GRIP1: variants seen among roughly 807,000 people sequenced by gnomAD.
GRIP1 encodes the protein glutamate receptor interacting protein 1, also known as glutamate receptor-interacting protein 1.
In GRIP1, 45 loss-of-function variants were observed where a neutral mutation model predicts 129.9. The ratio of observed to expected loss-of-function variants is 0.35; its 90% CI spans 0.27 to 0.44. The LOEUF (loss-of-function observed/expected upper bound fraction) is 0.44, where lower values mean the gene tolerates loss of function less well. GRIP1 is among the 20% of genes least tolerant of loss of function. The pLI is 1.00. For missense variants in GRIP1, 1,196 were observed against 1,396.8 expected, an observed-to-expected ratio of 0.86 and a Z score of 2.29; for synonymous variants, 530 against 520.8, an observed-to-expected ratio of 1.02 and a Z score of -0.24.
At chr12:67,033,871 T>C in intron 1 of GRIP1, among the ~76,000 whole-genome samples, 1 of 152,202 alleles carries the variant, frequency 6.6e-6, no homozygotes, top group East Asian at 1.9e-4. Context: ...CCATCCTAAA[T>C]GTTTGTTGAA....
chr12:66,915,682 G>A (rs533960514), intron 1 of GRIP1, among the ~76,000 whole-genome samples: 25 of 152,314 alleles, frequency 1.6e-4, no homozygotes, highest in African/African-American at 6.0e-4. Context: ...AAACAGGGTG[G>A]GGCCTATGTC....
chr12:66,586,080 C>G (rs972238624), intron 2 of GRIP1, among the ~76,000 whole-genome samples: 2 of 152,174 alleles, frequency 1.3e-5, no homozygotes, highest in African/African-American at 2.4e-5. Context: ...CCTCTGGCCA[C>G]TCTCCCATTT....
intron 14 of GRIP1, among the ~76,000 whole-genome samples, chr12:66,430,965 TG>T (rs2137950665): frequency 6.6e-6 from 1 of 152,112 alleles, no homozygotes; most frequent in East Asian, 1.9e-4. Flanking sequence ...AGAATGGAAG[TG>T]GGGGCAGGGT....
At chr12:66,406,162 C>A in intron 16 of GRIP1, 121 bp downstream of exon 16, 1 of 905,774 alleles carries the variant, frequency 1.1e-6, no homozygotes, top group South Asian at 1.5e-5. Context: ...ACTCTTTTAG[C>A]TGTGAAACAC....
At chr12:66,422,483 A>G (rs1161509758) in intron 14 of GRIP1, among the ~76,000 whole-genome samples, 1 of 152,236 alleles carries the variant, frequency 6.6e-6, no homozygotes, top group Non-Finnish European at 1.5e-5. Flanking sequence ...TGTTATTACC[A>G]GCAAGTACAG....
At chr12:66,407,944 TCTAA>T (rs1225817542) in intron 15 of GRIP1, among the ~76,000 whole-genome samples, 4 of 152,106 alleles carry the variant, frequency 2.6e-5, no homozygotes, top group African/African-American at 9.7e-5. Context: ...AGTCCTTCAC[TCTAA>T]CTGAGTAGAG....
intron 1 of GRIP1, among the ~76,000 whole-genome samples, chr12:67,011,105 T>C (rs1592463636): frequency 1.3e-5 from 2 of 152,150 alleles, no homozygotes; most frequent in Admixed American, 6.6e-5. Context: ...CTTCTTGACA[T>C]TTGTACTTAG....
intron 1 of GRIP1, among the ~76,000 whole-genome samples, chr12:66,861,495 C>A (rs2040110970): frequency 6.6e-6 from 1 of 152,208 alleles, no homozygotes. Context: ...GATTTTATAG[C>A]CCCTATGCTC....
At chr12:66,793,670 G>A (rs1311692187) in intron 1 of GRIP1, among the ~76,000 whole-genome samples, 1 of 152,116 alleles carries the variant, frequency 6.6e-6, no homozygotes, top group Non-Finnish European at 1.5e-5. Context: ...AACCCATCAC[G>A]AGGATGGAGG....
chr12:66,860,391 G>A (rs7310441), intron 1 of GRIP1, among the ~76,000 whole-genome samples: 41,300 of 151,946 alleles, frequency 0.27, 5,639 homozygotes, highest in African/African-American at 0.29. Flanking sequence ...TGGAGCATTC[G>A]TCTCTTAGCC....
At chr12:67,047,509 G>T (rs923071694) in intron 1 of GRIP1, among the ~76,000 whole-genome samples, 3 of 151,912 alleles carry the variant, frequency 2.0e-5, no homozygotes, top group African/African-American at 7.3e-5. Flanking sequence ...CCCATGTTAT[G>T]CAAATCTTTT....
chr12:66,829,409 TGA>T (rs1223310158), intron 1 of GRIP1, among the ~76,000 whole-genome samples: 1 of 152,182 alleles, frequency 6.6e-6, no homozygotes, highest in Non-Finnish European at 1.5e-5. Context: ...TCCATGAAAC[TGA>T]GTTTGGATTT....
rs188800373 is a variant in GRIP1 at position 66,679,076 on chromosome 12, T to C, written c.-172A>G. On this transcript the variant is annotated 5_prime_UTR_variant, in exon 1 of 25. Coordinates refer to ENST00000359742, the MANE Select transcript of GRIP1 (RefSeq NM_001366722.1). ...ATGCAGAGGTCCGCTACATGTCATC[T>C]GGCAAATCTGTGTCATTCACTACTA... The C allele has an allele frequency of 3.3e-3, 5,050 of 1,509,480 alleles. 30 individuals are homozygous for C. The highest frequency in any genetic ancestry group is 0.013 in the South Asian group (1,048 of 79,698). The allele number at this position is 1,509,480 out of a possible 1,614,324, so 93.5% of individuals were successfully genotyped here.
chr12:66,469,686 A>G (rs2138400796), intron 7 of GRIP1, among the ~76,000 whole-genome samples: 1 of 152,324 alleles, frequency 6.6e-6, no homozygotes, highest in African/African-American at 2.4e-5. Context: ...ATGAAAGACA[A>G]TCAGGGCTTA....
At chr12:66,701,260 G>A (rs1373980657) in intron 1 of GRIP1, among the ~76,000 whole-genome samples, 1 of 152,086 alleles carries the variant, frequency 6.6e-6, no homozygotes, top group Non-Finnish European at 1.5e-5. Context: ...CTTCATAGCT[G>A]CCTCTTAGCC....
chr12:66,374,591 C>T (rs923044681), intron 22 of GRIP1, among the ~76,000 whole-genome samples: 2 of 152,154 alleles, frequency 1.3e-5, no homozygotes, highest in Non-Finnish European at 2.9e-5. Context: ...TAGTTGTTTG[C>T]TTTGTTAACA....
At chr12:67,054,971 G>A (rs144327858) in intron 1 of GRIP1, among the ~76,000 whole-genome samples, 1 of 152,278 alleles carries the variant, frequency 6.6e-6, no homozygotes, top group African/African-American at 2.4e-5. Context: ...AGTAATACGT[G>A]ATTGGAAATC....
In GRIP1 at chr12:66,959,941, T is replaced by A. The variant is rs188892655; in HGVS notation, c.58+109109A>T. Among the ~76,000 whole-genome samples the A allele has an allele frequency of 6.2e-3, 936 of 152,012 alleles. 13 individuals carry two copies. The highest frequency in any genetic ancestry group is 0.021 in the African/African-American group (872 of 41,486). On this transcript the variant is annotated intron_variant, in intron 1 of 1. Coordinates refer to the GRIP1 transcript ENST00000643019. ...AATTTCAAATGAGGAGAGAAAAAAA[T>A]ATATATATATCCTTAAGTGTAGAAA...
At position 66,420,800 on chromosome 12, in the gene GRIP1, G is replaced by A; in HGVS notation, c.1769-11C>T. 6.8e-7 allele frequency: 1 copy of A among 1,462,340 alleles called. No homozygotes were observed. The highest frequency in any genetic ancestry group is 9.6e-7 in the Non-Finnish European group (1 of 1,041,534). The allele number at this position is 1,462,340 out of a possible 1,614,324, so 90.6% of individuals were successfully genotyped here. On this transcript the variant is annotated splice_polypyrimidine_tract_variant and intron_variant, in intron 14 of 24. Coordinates refer to ENST00000359742, the MANE Select transcript of GRIP1 (RefSeq NM_001366722.1). ...TTCTACTGGATGGTGCTGTAATAATGGAGATAGAATAATCACATCTTTATA... is the reference window on the plus strand; with the variant it reads ...TTCTACTGGATGGTGCTGTAATAATAGAGATAGAATAATCACATCTTTATA...
Sources: gnomAD v4.1 joint callset for allele counts (sites outside exome capture counted in the v4.1 genomes callset) on GRCh38, gnomAD v4.1.1 for gene constraint, MANE v1.5 for transcripts, NCBI Gene and HGNC (gene_info 2026-07-23, HGNC 2026-07-21) for gene names.